The following CLSTN2 variants were observed in gnomAD, a reference collection of about 807,000 sequenced individuals.
The protein encoded by CLSTN2 is calsyntenin-2.
In CLSTN2, 48 loss-of-function variants were observed where a neutral mutation model predicts 101.2. The ratio of observed to expected loss-of-function variants is 0.47; its 90% CI spans 0.38 to 0.60. CLSTN2 has a LOEUF of 0.60. Ranked by LOEUF, CLSTN2 falls within the 20% of genes least tolerant of loss-of-function variation. The pLI is 0.00. For missense variants in CLSTN2, 1,160 were observed against 1,238.2 expected (o/e 0.94, Z 0.95); for synonymous variants, 481 against 463.6 (o/e 1.04, Z -0.48).
At chr3:140,068,308 G>A (rs919583936) in intron 1 of CLSTN2, among the ~76,000 whole-genome samples, 10 of 152,166 alleles carry the variant, frequency 6.6e-5, no homozygotes, top group African/African-American at 9.7e-5. Context: ...TTCATTTAAC[G>A]CTCTTTGGGC....
chr3:140,122,355 G>A (rs948242509), intron 1 of CLSTN2, among the ~76,000 whole-genome samples: 6 of 152,194 alleles, frequency 3.9e-5, no homozygotes, highest in Non-Finnish European at 7.3e-5. Flanking sequence ...GCAAAATGCC[G>A]TGGATAGATG....
intron 1 of CLSTN2, among the ~76,000 whole-genome samples, chr3:140,044,294 G>A (rs1273248689): frequency 6.6e-6 from 1 of 152,110 alleles, no homozygotes; most frequent in Non-Finnish European, 1.5e-5. Flanking sequence ...TGAAGCAATT[G>A]TGAATGGGAG....
At chr3:140,507,305 C>A (rs1396656205) in intron 8 of CLSTN2, 1 of 152,190 alleles carries the variant, frequency 6.6e-6, no homozygotes, top group Non-Finnish European at 1.5e-5. Flanking sequence ...GAGGCACAGA[C>A]AGGAAATGTA....
intron 2 of CLSTN2, among the ~76,000 whole-genome samples, chr3:140,215,929 G>T (rs4683813): frequency 0.93 from 140,904 of 152,218 alleles, 66,206 homozygotes; most frequent in East Asian, 1. Flanking sequence ...AAACAAAAAG[G>T]GATCTCACAG....
At chr3:140,513,828 A>G (rs1052680566) in intron 8 of CLSTN2, among the ~76,000 whole-genome samples, 1 of 151,740 alleles carries the variant, frequency 6.6e-6, no homozygotes, top group African/African-American at 2.4e-5. Context: ...TTATTGGTCT[A>G]TTCAGGGATT....
chr3:140,335,456 C>CA (rs36037134), intron 2 of CLSTN2, among the ~76,000 whole-genome samples: 63,317 of 141,792 alleles, frequency 0.45, 14,015 homozygotes, highest in Non-Finnish European at 0.5. Flanking sequence ...TGTGAAAGGC[C>CA]AAAAAAAAAA....
chr3:140,080,764 C>T (rs2008581684), intron 1 of CLSTN2, among the ~76,000 whole-genome samples: 1 of 152,194 alleles, frequency 6.6e-6, no homozygotes, highest in African/African-American at 2.4e-5. Flanking sequence ...CAATCAGTCC[C>T]CCTACTCCTG....
At chr3:140,279,642 G>A (rs1487470128) in intron 2 of CLSTN2, among the ~76,000 whole-genome samples, 1 of 152,172 alleles carries the variant, frequency 6.6e-6, no homozygotes, top group South Asian at 2.1e-4. Flanking sequence ...AGTAGGTGAC[G>A]TCTGCTTAAC....
intron 8 of CLSTN2, chr3:140,507,186 C>T (rs570440015): frequency 6.6e-6 from 1 of 152,270 alleles, no homozygotes; most frequent in South Asian, 2.1e-4. Flanking sequence ...GGAGTAACAC[C>T]TACTCCTTTT....
chr3:139,972,203 G>T (rs1291782963), intron 1 of CLSTN2, among the ~76,000 whole-genome samples: 3 of 152,066 alleles, frequency 2.0e-5, no homozygotes, highest in Non-Finnish European at 2.9e-5. Flanking sequence ...GGCGGAGGTT[G>T]CAGTGAGCCA....
intron 1 of CLSTN2, among the ~76,000 whole-genome samples, chr3:140,156,754 A>C (rs1208529600): frequency 6.6e-6 from 1 of 152,222 alleles, no homozygotes; most frequent in Non-Finnish European, 1.5e-5. Flanking sequence ...ATGGAAGTCT[A>C]GGACACTTTT....
At chr3:140,379,089 T>C (rs2087951231) in intron 2 of CLSTN2, among the ~76,000 whole-genome samples, 1 of 152,204 alleles carries the variant, frequency 6.6e-6, no homozygotes, top group African/African-American at 2.4e-5. Flanking sequence ...ATTCCAATCT[T>C]GTTGTCTGGC....
At chr3:140,068,962 A>C (rs191088631) in intron 1 of CLSTN2, among the ~76,000 whole-genome samples, 23 of 152,304 alleles carry the variant, frequency 1.5e-4, no homozygotes, top group African/African-American at 5.5e-4. Context: ...TAATAATAGA[A>C]TCTCTCTCAT....
chr3:140,132,732 T>G (rs2009541433), intron 1 of CLSTN2, among the ~76,000 whole-genome samples: 2 of 152,222 alleles, frequency 1.3e-5, no homozygotes, highest in African/African-American at 4.8e-5. Flanking sequence ...GCAAAGGGAA[T>G]GCAAAACAGT....
intron 8 of CLSTN2, among the ~76,000 whole-genome samples, chr3:140,492,081 A>G (rs548434285): frequency 5.9e-5 from 9 of 152,278 alleles, no homozygotes; most frequent in African/African-American, 2.2e-4. Flanking sequence ...CAACTTCATT[A>G]TATGTTGGGG....
At chr3:140,185,283 G>A (rs1404699647) in intron 2 of CLSTN2, among the ~76,000 whole-genome samples, 3 of 152,010 alleles carry the variant, frequency 2.0e-5, no homozygotes, top group Non-Finnish European at 4.4e-5. Flanking sequence ...TTCAAACCTG[G>A]AACTCCAAAG....
chr3:140,504,800 G>A (rs1355305088), intron 8 of CLSTN2, among the ~76,000 whole-genome samples: 1 of 152,200 alleles, frequency 6.6e-6, no homozygotes, highest in Non-Finnish European at 1.5e-5. Flanking sequence ...CAGAGCCAGA[G>A]AAAGGTGGTA....
intron 2 of CLSTN2, among the ~76,000 whole-genome samples, chr3:140,212,745 A>C (rs1238400921): frequency 6.6e-6 from 1 of 151,986 alleles, no homozygotes; most frequent in Non-Finnish European, 1.5e-5. Flanking sequence ...GTTTCTGTTC[A>C]CTCTAGATCT....
chr3:140,223,799 G>C (rs1328422981), intron 2 of CLSTN2, among the ~76,000 whole-genome samples: 3 of 152,128 alleles, frequency 2.0e-5, no homozygotes. Context: ...GATTCCTGTG[G>C]CTGCTTTCTT....
Sources: allele counts gnomAD v4.1 joint callset (sites outside exome capture counted in the v4.1 genomes callset), GRCh38; gene constraint gnomAD v4.1.1; transcripts MANE v1.5; gene names NCBI Gene and HGNC (gene_info 2026-07-23, HGNC 2026-07-21).